Variants in PLAC1 observed in about 807,000 individuals in gnomAD.
PLAC1 encodes the protein placenta-specific protein 1.
For missense variants in PLAC1, 136 were observed against 163.2 expected (o/e 0.83, Z 0.91); for synonymous variants, 68 against 62.1 (o/e 1.09, Z -0.44).
At chrX:134,689,470 T>C (rs1390250069) in intron 2 of PLAC1, among the ~76,000 whole-genome samples, 1 of 111,920 alleles carries the variant, frequency 8.9e-6, no homozygotes, top group African/African-American at 3.2e-5. Flanking sequence ...AATCCTTCCA[T>C]CTTTAAGGGC....
chrX:134,591,531 TTAAC>T (rs1252207283), intron 2 of PLAC1, among the ~76,000 whole-genome samples: 12 of 112,694 alleles, frequency 1.1e-4, no homozygotes, highest in African/African-American at 3.9e-4. Flanking sequence ...CACGGTTTGT[TTAAC>T]TACTCACTTA....
At chrX:134,591,223 A>ATG (rs779885743) in intron 2 of PLAC1, among the ~76,000 whole-genome samples, 174 of 110,884 alleles carry the variant, frequency 1.6e-3, no homozygotes, top group South Asian at 9.9e-3. Flanking sequence ...CATCTTGGAA[A>ATG]TGTGTGTGTG....
At chrX:134,659,438 T>A (rs1318952618), upstream of PLAC1, among the ~76,000 whole-genome samples, 1 of 111,185 alleles carries the variant, frequency 9.0e-6, no homozygotes, top group East Asian at 2.8e-4. Context: ...TGGTCACATA[T>A]CCTGGGCGAA....
At chrX:134,634,443 C>A (rs939010999) in intron 1 of PLAC1, among the ~76,000 whole-genome samples, 5 of 111,955 alleles carry the variant, frequency 4.5e-5, no homozygotes, top group Admixed American at 9.5e-5. Context: ...GTTCTGCAAC[C>A]ATCACCACAA....
intron 2 of PLAC1, among the ~76,000 whole-genome samples, chrX:134,715,458 C>G (rs1385217513): frequency 1.8e-5 from 2 of 109,090 alleles, no homozygotes; most frequent in Admixed American, 9.9e-5. Flanking sequence ...CCCCCACCCC[C>G]CTAACACACT....
intron 1 of PLAC1, among the ~76,000 whole-genome samples, chrX:134,647,295 A>G (rs2078338485): frequency 9.0e-6 from 1 of 111,446 alleles, no homozygotes; most frequent in African/African-American, 3.3e-5. Context: ...ACCAGGTTCC[A>G]TGCATCTTAT....
chrX:134,657,856 A>G (rs950844017), intron 1 of PLAC1, among the ~76,000 whole-genome samples: 1 of 111,562 alleles, frequency 9.0e-6, no homozygotes, highest in Non-Finnish European at 1.9e-5. Flanking sequence ...TAAGTAGGAG[A>G]GTAAAGGAAG....
chrX:134,716,423 C>T (rs1265811652), intron 2 of PLAC1, among the ~76,000 whole-genome samples: 1 of 112,881 alleles, frequency 8.9e-6, no homozygotes, highest in Admixed American at 9.3e-5. Flanking sequence ...TTATCCTTCT[C>T]AAGCACTGGA....
At chrX:134,596,007 T>A (rs1003098469) in intron 2 of PLAC1, among the ~76,000 whole-genome samples, 1 of 111,660 alleles carries the variant, frequency 9.0e-6, no homozygotes, top group African/African-American at 3.3e-5. Context: ...TGAGTGTATA[T>A]CTTTGTATAG....
At chrX:134,641,931 G>A (rs1179077754) in intron 1 of PLAC1, among the ~76,000 whole-genome samples, 1 of 112,500 alleles carries the variant, frequency 8.9e-6, no homozygotes, top group East Asian at 2.8e-4. Context: ...GAGGAAAGAT[G>A]AACATAGAGG....
chrX:134,701,271 T>C (rs1167550470), intron 2 of PLAC1, among the ~76,000 whole-genome samples: 3 of 111,747 alleles, frequency 2.7e-5, no homozygotes, highest in Non-Finnish European at 5.6e-5. Context: ...CCTTTTACCA[T>C]ATACAAAAAT....
chrX:134,685,766 G>A (rs2078514870), intron 2 of PLAC1, among the ~76,000 whole-genome samples: 1 of 111,285 alleles, frequency 9.0e-6, no homozygotes, highest in Non-Finnish European at 1.9e-5. Flanking sequence ...CCCTTATTGG[G>A]GCTTGTGTAA....
intron 2 of PLAC1, among the ~76,000 whole-genome samples, chrX:134,707,174 T>A (rs1489395125): frequency 8.9e-6 from 1 of 112,250 alleles, no homozygotes; most frequent in African/African-American, 3.2e-5. Flanking sequence ...GACATGGTAT[T>A]TTTTAAGTAC....
chrX:134,704,944 G>C (rs1476846725), intron 2 of PLAC1, among the ~76,000 whole-genome samples: 2 of 100,030 alleles, frequency 2.0e-5, no homozygotes, highest in African/African-American at 7.5e-5. Context: ...AGTGAGCTGA[G>C]ATCATGCCAC....
intron 1 of PLAC1, among the ~76,000 whole-genome samples, chrX:134,630,634 G>A (rs1315682714): frequency 8.9e-6 from 1 of 111,854 alleles, no homozygotes; most frequent in East Asian, 2.8e-4. Flanking sequence ...AAGAGAGTAT[G>A]TTGCTTCTAA....
chrX:134,731,763 A>G (rs1368623121), intron 2 of PLAC1, among the ~76,000 whole-genome samples: 1 of 111,352 alleles, frequency 9.0e-6, no homozygotes, highest in Admixed American at 9.6e-5. Context: ...TTCTGATAAG[A>G]CTCAGTCCAA....
At position 134,582,795 on chromosome X, in the gene PLAC1, C is replaced by T. The variant is rs146510753; in HGVS notation, c.-58-16055G>A. On this transcript the variant is annotated intron_variant, in intron 2 of 2. Transcript: ENST00000359237. ...AATGAGTGCAATGTATTTGGACAGA[C>T]TTATAAGGACAGAAAAAAAGGTGAG... Among the ~76,000 whole-genome samples the T allele has an allele frequency of 3.0e-3, 334 of 111,007 alleles. 7 individuals carry two copies. The highest frequency in any genetic ancestry group is 0.01 in the African/African-American group (315 of 30,560).
intron 1 of PLAC1, among the ~76,000 whole-genome samples, chrX:134,751,344 T>C (rs1803451486): frequency 9.2e-6 from 1 of 109,228 alleles, no homozygotes; most frequent in Non-Finnish European, 1.9e-5. Context: ...TCCTATCCCA[T>C]TGGCTCTTCA....
chrX:134,572,758 G>T (rs951894864), intron 2 of PLAC1, among the ~76,000 whole-genome samples: 3 of 110,285 alleles, frequency 2.7e-5, no homozygotes, highest in African/African-American at 9.9e-5. Context: ...TTTCTAATTT[G>T]GGGGGAAAGT....
Sources: allele counts gnomAD v4.1 joint callset (sites outside exome capture counted in the v4.1 genomes callset), GRCh38; gene constraint gnomAD v4.1.1; transcripts MANE v1.5; gene names NCBI Gene and HGNC (gene_info 2026-07-23, HGNC 2026-07-21).